FAT3: variants seen among roughly 807,000 people sequenced by gnomAD.
FAT3 encodes the protein protocadherin Fat 3.
In FAT3, 95 loss-of-function variants were observed where a neutral mutation model predicts 310.2. The observed-to-expected ratio is 0.31, with a 90% confidence interval of 0.26 to 0.36. The LOEUF is 0.36. Among genes scored for constraint, FAT3 ranks in the 10% least tolerant of loss-of-function variants. The pLI is 1.00. For synonymous variants in FAT3, 2,314 were observed against 2,192.9 expected (o/e 1.06, Z -1.54); for missense variants, 5,408 against 5,715.6 (o/e 0.95, Z 1.74).
chr11:92,555,524 G>T (rs988029083), intron 3 of FAT3, among the ~76,000 whole-genome samples: 14 of 152,104 alleles, frequency 9.2e-5, no homozygotes, highest in African/African-American at 3.4e-4. Context: ...GGCTTGTATT[G>T]GTTTGTTCAT....
chr11:92,448,362 G>A (rs1951270615), intron 2 of FAT3, among the ~76,000 whole-genome samples: 1 of 152,084 alleles, frequency 6.6e-6, no homozygotes, highest in Non-Finnish European at 1.5e-5. Flanking sequence ...ACACTTGCCA[G>A]TGTGTGGTTT....
chr11:92,340,207 T>C (rs1345748020), intron 1 of FAT3, among the ~76,000 whole-genome samples: 1 of 151,152 alleles, frequency 6.6e-6, no homozygotes, highest in Non-Finnish European at 1.5e-5. Flanking sequence ...CCTGAAAGCA[T>C]GGGAAAGGCA....
chr11:92,829,294 T>C (rs190326897), intron 13 of FAT3, among the ~76,000 whole-genome samples: 1 of 152,222 alleles, frequency 6.6e-6, no homozygotes, highest in African/African-American at 2.4e-5. Flanking sequence ...CCTGCATGAA[T>C]TTCATGCCTG....
At chr11:92,251,601 A>C (rs1865144395) in intron 1 of FAT3, among the ~76,000 whole-genome samples, 1 of 152,152 alleles carries the variant, frequency 6.6e-6, no homozygotes, top group Admixed American at 6.6e-5. Flanking sequence ...AATTTATTTT[A>C]GTATTAATTA....
At chr11:92,505,124 A>G (rs201470804) in intron 2 of FAT3, among the ~76,000 whole-genome samples, 2 of 152,076 alleles carry the variant, frequency 1.3e-5, no homozygotes, top group African/African-American at 4.8e-5. Flanking sequence ...GAGATGAGGT[A>G]GGACAGAAGA....
intron 12 of FAT3, among the ~76,000 whole-genome samples, 193 bp from the exon 13 acceptor site, chr11:92,809,650 T>C (rs1231111743): frequency 6.6e-6 from 1 of 152,218 alleles, no homozygotes; most frequent in Non-Finnish European, 1.5e-5. Context: ...TGTTTTTGCA[T>C]CTAGAATCCC....
At chr11:92,560,014 A>C (rs1955165728) in intron 3 of FAT3, among the ~76,000 whole-genome samples, 1 of 152,186 alleles carries the variant, frequency 6.6e-6, no homozygotes, top group African/African-American at 2.4e-5. Flanking sequence ...CTCCGTGTTT[A>C]ATTTTTTGAG....
intron 1 of FAT3, among the ~76,000 whole-genome samples, chr11:92,293,172 C>T (rs1946742306): frequency 6.6e-6 from 1 of 151,590 alleles, no homozygotes. Flanking sequence ...TAGCACGTAA[C>T]CTCCCTGAGC....
At chr11:92,267,590 G>T (rs952022406) in intron 1 of FAT3, among the ~76,000 whole-genome samples, 1 of 151,878 alleles carries the variant, frequency 6.6e-6, no homozygotes, top group South Asian at 2.1e-4. Context: ...AAAAGTGGTG[G>T]TGGGAAATGA....
chr11:92,293,697 C>T (rs1178949016), intron 1 of FAT3, among the ~76,000 whole-genome samples: 18 of 151,540 alleles, frequency 1.2e-4, no homozygotes, highest in Non-Finnish European at 2.7e-4. Flanking sequence ...AGGAGGTCTT[C>T]TAGCCCTCAT....
intron 4 of FAT3, among the ~76,000 whole-genome samples, chr11:92,699,970 G>A (rs963350786): frequency 1.7e-4 from 26 of 152,144 alleles, no homozygotes; most frequent in Non-Finnish European, 3.4e-4. Flanking sequence ...AATGCAGAAG[G>A]AGCCCCAGGT....
intron 3 of FAT3, among the ~76,000 whole-genome samples, chr11:92,638,671 C>T (rs776573819): frequency 3.3e-5 from 5 of 152,140 alleles, no homozygotes; most frequent in Non-Finnish European, 7.3e-5. Flanking sequence ...AATGTCAGCA[C>T]CAATAATTTT....
At chr11:92,741,757 C>A (rs1339052202) in intron 4 of FAT3, among the ~76,000 whole-genome samples, 1 of 152,058 alleles carries the variant, frequency 6.6e-6, no homozygotes, top group Non-Finnish European at 1.5e-5. Context: ...GACCCATTTC[C>A]CCAGGGACTT....
chr11:92,852,987 AC>A (rs1452333712), intron 19 of FAT3, among the ~76,000 whole-genome samples: 2 of 151,440 alleles, frequency 1.3e-5, no homozygotes, highest in African/African-American at 4.9e-5. Flanking sequence ...CCAGCTGAAA[AC>A]CTCTATGGCT....
intron 3 of FAT3, among the ~76,000 whole-genome samples, chr11:92,525,867 A>G (rs112027495): frequency 1.3e-5 from 2 of 152,168 alleles, no homozygotes; most frequent in Admixed American, 6.5e-5. Flanking sequence ...TCTCCTGCCT[A>G]TGTTTGTTAA....
intron 22 of FAT3, among the ~76,000 whole-genome samples, chr11:92,873,196 C>T (rs1949435261): frequency 6.6e-6 from 1 of 152,122 alleles, no homozygotes; most frequent in East Asian, 1.9e-4. Context: ...TCTCATTTAT[C>T]AGATAAAATA....
chr11:92,719,356 T>A (rs915297390), intron 4 of FAT3, among the ~76,000 whole-genome samples: 1 of 152,188 alleles, frequency 6.6e-6, no homozygotes, highest in Non-Finnish European at 1.5e-5. Flanking sequence ...CTTTTTATCT[T>A]TCTTTTAATT....
chr11:92,608,398 T>A (rs1232647229), intron 3 of FAT3, among the ~76,000 whole-genome samples: 1 of 152,184 alleles, frequency 6.6e-6, no homozygotes, highest in African/African-American at 2.4e-5. Context: ...GTTGTTACTT[T>A]TCAACCTTGT....
In FAT3 at chr11:92,882,779, A is replaced by G. The variant is rs1949702836; in HGVS notation, c.12323A>G (p.Glu4108Gly). ...DINECEREEC[E>G]NGGSCVNVFG... ...AATGAGTGCGAACGAGAGGAGTGTG[A>G]GAACGGAGGCTCCTGCGTGAACGTG... The change falls in exon 24 of 28, where the codon GAG (glutamate) becomes GGG (glycine). Residue 4108 changes from glutamate (E) to glycine (G), a missense_variant. This residue lies in a region of FAT3 where 649 missense variants were observed against 666.2 expected (regional missense o/e 0.97). Coordinates refer to ENST00000525166, the MANE Select transcript of FAT3 (RefSeq NM_001367949.2). 3 of 1,611,450 alleles carry G rather than the reference A, an allele frequency of 1.9e-6. No homozygotes were observed. Among genetic ancestry groups the G allele is most frequent in the Non-Finnish European group, 2.5e-6 (3 of 1,178,932 alleles).
Sources: gnomAD v4.1 joint callset for allele counts (sites outside exome capture counted in the v4.1 genomes callset) on GRCh38, gnomAD v4.1.1 for gene constraint, gnomAD v4.1.1 regional missense constraint, MANE v1.5 for transcripts, NCBI Gene and HGNC (gene_info 2026-07-23, HGNC 2026-07-21) for gene names.